Variants in PAFAH1B1 observed in about 807,000 individuals in gnomAD.
PAFAH1B1 encodes the protein platelet activating factor acetylhydrolase 1b regulatory subunit 1.
A neutral mutation model predicts 57.5 loss-of-function variants in PAFAH1B1; 2 were observed. The ratio of observed to expected loss-of-function variants is 0.03; its 90% confidence interval spans 0.01 to 0.11. The LOEUF is 0.11. Ranked by LOEUF, PAFAH1B1 falls within the 10% of genes least tolerant of loss-of-function variation. The probability of loss-of-function intolerance (pLI) is 1.00; values close to 1 mark genes in which losing one functional copy is unlikely to be tolerated. For missense variants in PAFAH1B1, 257 were observed against 512.0 expected (o/e 0.50, Z 4.81); for synonymous variants, 152 against 169.6 (o/e 0.90, Z 0.81).
At chr17:2,633,292 C>T (rs940697819) in intron 1 of PAFAH1B1, among the ~76,000 whole-genome samples, 1 of 151,678 alleles carries the variant, frequency 6.6e-6, no homozygotes, top group Non-Finnish European at 1.5e-5. Flanking sequence ...CTCAGCCTCC[C>T]GAGTAGCTGG....
chr17:2,644,833 T>C (rs918287497), intron 2 of PAFAH1B1, among the ~76,000 whole-genome samples: 1 of 152,180 alleles, frequency 6.6e-6, no homozygotes. Flanking sequence ...AGGATAAGTA[T>C]TTAAGCATTA....
intron 1 of PAFAH1B1, among the ~76,000 whole-genome samples, chr17:2,636,744 T>C (rs1247114902): frequency 6.6e-6 from 1 of 152,054 alleles, no homozygotes; most frequent in Non-Finnish European, 1.5e-5. Context: ...TTTTTTTCCT[T>C]TAAAAGAAAT....
chr17:2,634,690 A>C (rs767360251), intron 1 of PAFAH1B1, among the ~76,000 whole-genome samples: 22 of 151,680 alleles, frequency 1.5e-4, no homozygotes, highest in Non-Finnish European at 2.4e-4. Flanking sequence ...ATCTTATCTA[A>C]TGGCTCCCTA....
At position 2,662,702 on chromosome 17, in the gene PAFAH1B1, G is replaced by C. The variant is rs2069034825; in HGVS notation, c.33-2670G>C. On this transcript the variant is annotated intron_variant, in intron 2 of 10. Transcript: ENST00000397195. ...TTACATGCGTAGGCCACTGCGCCCA[G>C]CCTTCTCTGATTCTTTATAGTATTA... Among the ~76,000 whole-genome samples, 3 of 152,160 alleles carry C rather than the reference G, an allele frequency of 2.0e-5. No individual in the cohort carries two copies. The South Asian group carries it at 6.2e-4, about 32-fold the overall frequency.
In PAFAH1B1 at chr17:2,594,911, C is replaced by T. The variant is rs546428374; in HGVS notation, c.-191+905C>T. ...CACATTTTGACTCTGCACCTCTAAACGTAGCAGTAGAGGGGAAGAGGTTTT... is the reference window on the plus strand; with the variant it reads ...CACATTTTGACTCTGCACCTCTAAATGTAGCAGTAGAGGGGAAGAGGTTTT... On this transcript the variant is annotated intron_variant, in intron 1 of 10. Coordinates refer to ENST00000397195, the MANE Select transcript of PAFAH1B1 (RefSeq NM_000430.4). 3.3e-5 allele frequency among the ~76,000 whole-genome samples: 5 copies of T among 152,298 alleles called. No individual in the cohort carries two copies. In the South Asian group the frequency reaches 8.3e-4, roughly 25 times the overall value.
intron 1 of PAFAH1B1, among the ~76,000 whole-genome samples, chr17:2,603,897 G>A (rs573262161): frequency 6.7e-6 from 1 of 150,244 alleles, no homozygotes; most frequent in African/African-American, 2.4e-5. Flanking sequence ...GCAACCACGC[G>A]CGGCTAATTT....
At position 2,682,825 on chromosome 17, in the gene PAFAH1B1, C is replaced by G. The variant is rs2069404027; in HGVS notation, c.*1023C>G. On this transcript the variant is annotated 3_prime_UTR_variant, in exon 11 of 11. Coordinates refer to ENST00000397195, the MANE Select transcript of PAFAH1B1 (RefSeq NM_000430.4). ...ATTGATTTAAACTGTGTTTCACTTACAAGTTTTAAAAAAATGACAGGGTTT... is the reference window on the plus strand; with the variant it reads ...ATTGATTTAAACTGTGTTTCACTTAGAAGTTTTAAAAAAATGACAGGGTTT... The G allele has an allele frequency of 6.6e-6, 1 of 152,552 alleles. No homozygotes were observed. The highest frequency in any genetic ancestry group is 2.4e-5 in the African/African-American group (1 of 41,412). 9.4% of individuals were successfully genotyped at this position (152,552 alleles called of 1,614,324 possible).
At chr17:2,679,690 T>C (rs1185365035) in intron 9 of PAFAH1B1, 1 of 193,864 alleles carries the variant, frequency 5.2e-6, no homozygotes, top group Non-Finnish European at 1.1e-5. Flanking sequence ...ATATAGTGAA[T>C]GCCTGTATAT....
chr17:2,664,420 T>A (rs1477898582), intron 2 of PAFAH1B1, among the ~76,000 whole-genome samples: 1 of 151,846 alleles, frequency 6.6e-6, no homozygotes, highest in East Asian at 1.9e-4. Flanking sequence ...TTTTTTTTTT[T>A]TTTGAGAAGG....
chr17:2,617,430 G>T (rs901459408), intron 1 of PAFAH1B1, among the ~76,000 whole-genome samples: 1 of 152,146 alleles, frequency 6.6e-6, no homozygotes. Flanking sequence ...CGAGGAGATG[G>T]TGAAGCTGTA....
intron 1 of PAFAH1B1, among the ~76,000 whole-genome samples, chr17:2,602,630 G>A (rs946507487): frequency 2.0e-5 from 3 of 151,978 alleles, no homozygotes; most frequent in Admixed American, 6.6e-5. Flanking sequence ...AGTCTTGTCC[G>A]GTTAACGTCT....
At chr17:2,598,764 TGAA>T (rs1322060756) in intron 1 of PAFAH1B1, among the ~76,000 whole-genome samples, 1 of 152,206 alleles carries the variant, frequency 6.6e-6, no homozygotes, top group Non-Finnish European at 1.5e-5. Flanking sequence ...CTGTATTTCA[TGAA>T]GAAAGATGCT....
In PAFAH1B1 at chr17:2,636,720, C is replaced by T. The variant is rs138339206; in HGVS notation, c.-190-1379C>T. On this transcript the variant is annotated intron_variant, in intron 1 of 10. Transcript: ENST00000397195. ...GGCCTCAGGGCTCATATTTGAAACC[C>T]GAAGGTATGCATTTTTTTTTCCTTT... Among the ~76,000 whole-genome samples, 638 of 152,156 alleles carry T rather than the reference C, an allele frequency of 4.2e-3. 2 individuals carry two copies. Among genetic ancestry groups the T allele is most frequent in the Non-Finnish European group, 6.1e-3 (416 of 68,010 alleles).
intron 1 of PAFAH1B1, among the ~76,000 whole-genome samples, chr17:2,610,485 ATAGT>A (rs1353579275): frequency 6.6e-6 from 1 of 152,218 alleles, no homozygotes. Flanking sequence ...AAATAACTAG[ATAGT>A]TCAGAAAGAT....
chr17:2,681,292 G>A (rs2069381098), intron 10 of PAFAH1B1: 3 of 154,040 alleles, frequency 1.9e-5, no homozygotes, highest in African/African-American at 7.3e-5. Context: ...AGAGGAACAG[G>A]CGTTTTTATT....
At position 2,593,738 on chromosome 17, in the gene PAFAH1B1, T is replaced by G. The variant is rs1290167440; in HGVS notation, c.-459T>G. 9.2e-6 allele frequency: 3 copies of G among 324,690 alleles called. No individual in the cohort carries two copies. Among genetic ancestry groups the G allele is most frequent in the Non-Finnish European group, 1.1e-5 (2 of 180,208 alleles). 20.1% of individuals were successfully genotyped at this position (324,690 alleles called of 1,614,324 possible). Reference sequence around the variant, plus strand: ...GAGCGGAGGAGCAGCGACACGGGAGTCTAGGGAGCGAGAAGGAGAAGGAGG... The same window carrying G: ...GAGCGGAGGAGCAGCGACACGGGAGGCTAGGGAGCGAGAAGGAGAAGGAGG... On this transcript the variant is annotated 5_prime_UTR_variant, in exon 1 of 11. Transcript: ENST00000397195.
chr17:2,678,025 G>A (rs900410149), intron 9 of PAFAH1B1, among the ~76,000 whole-genome samples: 1 of 151,962 alleles, frequency 6.6e-6, no homozygotes, highest in African/African-American at 2.4e-5. Flanking sequence ...TGGAGGCTGA[G>A]GCAGGTGGAT....
intron 1 of PAFAH1B1, among the ~76,000 whole-genome samples, chr17:2,621,777 ATGTCCAGCTGATTTT>A (rs1449613150): frequency 1.3e-5 from 2 of 151,962 alleles, no homozygotes; most frequent in Non-Finnish European, 2.9e-5. Context: ...GTGCGCCACT[ATGTCCAGCTGATTTT>A]TGTATTTTTT....
At chr17:2,621,851 G>A (rs1370965464) in intron 1 of PAFAH1B1, among the ~76,000 whole-genome samples, 1 of 152,042 alleles carries the variant, frequency 6.6e-6, no homozygotes, top group African/African-American at 2.4e-5. Flanking sequence ...TGCTGATAAA[G>A]GCATAACCGA....
Sources: allele counts gnomAD v4.1 joint callset (sites outside exome capture counted in the v4.1 genomes callset), GRCh38; gene constraint gnomAD v4.1.1; transcripts MANE v1.5; gene names NCBI Gene and HGNC (gene_info 2026-07-23, HGNC 2026-07-21).